Variants in ARHGEF9 observed in about 807,000 individuals in gnomAD.
The protein encoded by ARHGEF9 is Cdc42 guanine nucleotide exchange factor 9.
Under a neutral mutation model 41.3 loss-of-function variants are expected in ARHGEF9, and 2 were observed. The observed-to-expected ratio is 0.05, with a 90% confidence interval of 0.02 to 0.15. ARHGEF9 has a LOEUF of 0.15. Ranked by LOEUF, ARHGEF9 falls within the 10% of genes least tolerant of loss-of-function variation. The pLI is 1.00. For missense variants in ARHGEF9, 225 were observed against 424.7 expected (o/e 0.53, Z 4.13); for synonymous variants, 160 against 154.4 (o/e 1.04, Z -0.27).
At chrX:63,676,450 T>G (rs1223969038) in intron 5 of ARHGEF9, among the ~76,000 whole-genome samples, 1 of 112,283 alleles carries the variant, frequency 8.9e-6, no homozygotes, top group Non-Finnish European at 1.9e-5. Flanking sequence ...GCTATTTATT[T>G]CTTATCTTAG....
rs2053847817 is a variant in ARHGEF9 at position 63,724,648 on chromosome X, G to A, written c.94C>T (p.Arg32Trp). Residue 32 changes from arginine (R) to tryptophan (W), a missense_variant, in exon 2 of 10, where the codon CGG becomes TGG. Arg to Trp is a moderately radical substitution (Grantham distance 101). Transcript: ENST00000671741. Reference protein sequence around the residue: ...AVWDHVTMANRELAFKAGDVI... With the variant: ...AVWDHVTMANWELAFKAGDVI... ...TCGCCAGCTTTAAATGCCAACTCCC[G>A]GTTGGCCATGGTGACGTGATCCCAT... 8.3e-7 allele frequency: 1 copy of A among 1,208,912 alleles called. No homozygotes were observed. Among genetic ancestry groups the A allele is most frequent in the African/African-American group, 1.8e-5 (1 of 56,858 alleles).
In ARHGEF9 at chrX:63,638,186, G is replaced by A; in HGVS notation, c.1414C>T (p.Pro472Ser). 1 of 1,190,623 alleles carries A rather than the reference G, an allele frequency of 8.4e-7. No individual in the cohort carries two copies. Among genetic ancestry groups the A allele is most frequent in the Non-Finnish European group, 1.1e-6 (1 of 884,728 alleles). Reference sequence around the variant, plus strand: ...TCCTGCGGTGGTGGGTAGGAAGGAGGAACTGAGCGGGCAGAGTTGACACCT... The same window carrying A: ...TCCTGCGGTGGTGGGTAGGAAGGAGAAACTGAGCGGGCAGAGTTGACACCT... ...QKGVNSARSV[P>S]PSYPPPQDPL... Residue 472 changes from proline (P) to serine (S), a missense_variant, in exon 10 of 10, where the codon CCT becomes TCT. Coordinates refer to ENST00000671741, the MANE Select transcript of ARHGEF9 (RefSeq NM_001353921.2).
chrX:63,754,605 T>C, intron 1 of ARHGEF9: 1 of 1,034,422 alleles, frequency 9.7e-7, no homozygotes, highest in Non-Finnish European at 1.2e-6. Flanking sequence ...CACTGTAGTG[T>C]TCCAGGTGGG....
At chrX:63,762,866 C>G (rs2056056592) in intron 1 of ARHGEF9, among the ~76,000 whole-genome samples, 1 of 111,921 alleles carries the variant, frequency 8.9e-6, no homozygotes, top group South Asian at 3.7e-4. Flanking sequence ...CTCTTAAGCC[C>G]ACTCAATGTG....
rs1268738466 is a variant in ARHGEF9 at position 63,775,197 on chromosome X, G to A, written c.30+9919C>T. Reference sequence around the variant, plus strand: ...ATAACAAATGGCTGATGAGGTTGCAGAGAAAAGGCAACACTTATACACTGT... The same window carrying A: ...ATAACAAATGGCTGATGAGGTTGCAAAGAAAAGGCAACACTTATACACTGT... On this transcript the variant is annotated intron_variant, in intron 1 of 9. Transcript: ENST00000671741. 2.0e-4 allele frequency among the ~76,000 whole-genome samples: 23 copies of A among 112,527 alleles called. No homozygotes were observed. In the Admixed American group the frequency reaches 2.1e-3, roughly 10 times the overall value.
chrX:63,714,649 T>C (rs782299860), intron 2 of ARHGEF9, among the ~76,000 whole-genome samples: 5 of 112,083 alleles, frequency 4.5e-5, no homozygotes, highest in Non-Finnish European at 9.4e-5. Flanking sequence ...AAATAATATC[T>C]ATCTATCTCA....
At chrX:63,730,259 T>G (rs2054203749) in intron 1 of ARHGEF9, among the ~76,000 whole-genome samples, 1 of 112,468 alleles carries the variant, frequency 8.9e-6, no homozygotes, top group South Asian at 3.7e-4. Context: ...ATAAAGGGCT[T>G]TCTTTTGTGA....
At chrX:63,751,713 C>CATT (rs1201993423) in intron 1 of ARHGEF9, among the ~76,000 whole-genome samples, 1 of 111,928 alleles carries the variant, frequency 8.9e-6, no homozygotes, top group Non-Finnish European at 1.9e-5. Flanking sequence ...GATACCCATC[C>CATT]ATCCCAGCAT....
chrX:63,637,269 T>A lies in ARHGEF9; in HGVS notation c.*759A>T, dbSNP rs1472814477. On this transcript the variant is annotated 3_prime_UTR_variant, in exon 10 of 10. Transcript: ENST00000671741. ...CTCCAGCATCATCATAGTCTGATAC[T>A]CCCTTGCTTCTGTTTGGTTTTTTGA... The A allele has an allele frequency of 2.4e-5, 7 of 295,531 alleles. No homozygotes were observed. The highest frequency in any genetic ancestry group is 1.7e-4 in the African/African-American group (6 of 36,318). 24.4% of individuals were successfully genotyped at this position (295,531 alleles called of 1,213,427 possible). A position where few individuals can be genotyped will look rare whatever the true frequency, so the allele number is the denominator to read the frequency against.
chrX:63,704,146 C>T (rs1469258334), intron 3 of ARHGEF9, among the ~76,000 whole-genome samples: 1 of 111,572 alleles, frequency 9.0e-6, no homozygotes, highest in Non-Finnish European at 1.9e-5. Flanking sequence ...AGTGATATGA[C>T]CTGACTTAGA....
chrX:63,773,771 AC>A (rs2056242474), intron 1 of ARHGEF9, among the ~76,000 whole-genome samples: 1 of 111,433 alleles, frequency 9.0e-6, no homozygotes, highest in South Asian at 3.8e-4. Flanking sequence ...TATGAATAGA[AC>A]AAAAAGGCCA....
chrX:63,713,475 C>G (rs2053082432), intron 2 of ARHGEF9, among the ~76,000 whole-genome samples: 1 of 109,989 alleles, frequency 9.1e-6, no homozygotes, highest in African/African-American at 3.3e-5. Context: ...TGAGCTCTGT[C>G]TCTGTCTGAA....
intron 1 of ARHGEF9, among the ~76,000 whole-genome samples, chrX:63,756,097 A>G (rs1436541429): frequency 9.0e-5 from 10 of 111,420 alleles, no homozygotes; most frequent in African/African-American, 3.3e-4. Context: ...TTGCTGTATG[A>G]CTTTTGGGCA....
At position 63,752,440 on chromosome X, in the gene ARHGEF9, C is replaced by T. The variant is rs782654853; in HGVS notation, c.31-27729G>A. Among the ~76,000 whole-genome samples the T allele has an allele frequency of 1.8e-4, 20 of 111,845 alleles. No individual in the cohort carries two copies. The South Asian group carries it at 6.0e-3, about 34-fold the overall frequency. ...TAGAGCCATTCCCCACTCTCCAACA[C>T]TGTATCAAAACAAAGTGCCCAGAAA... On this transcript the variant is annotated intron_variant, in intron 1 of 9. Transcript: ENST00000671741.
At chrX:63,655,447 T>C in intron 8 of ARHGEF9, 47 bp downstream of exon 8, 1 of 1,208,882 alleles carries the variant, frequency 8.3e-7, no homozygotes, top group African/African-American at 1.7e-5. Context: ...TCAAACCTCC[T>C]ATGTTCTTCA....
At chrX:63,748,563 A>G (rs1330775400) in intron 1 of ARHGEF9, among the ~76,000 whole-genome samples, 1 of 112,029 alleles carries the variant, frequency 8.9e-6, no homozygotes, top group Non-Finnish European at 1.9e-5. Flanking sequence ...ACTTCACAAG[A>G]GAGTAGAGGA....
At chrX:63,648,489 C>A (rs1556319823) in intron 8 of ARHGEF9, among the ~76,000 whole-genome samples, 1 of 111,475 alleles carries the variant, frequency 9.0e-6, no homozygotes, top group Non-Finnish European at 1.9e-5. Flanking sequence ...CCAGCCACTG[C>A]AAAAGCACGC....
intron 1 of ARHGEF9, among the ~76,000 whole-genome samples, chrX:63,729,551 T>C (rs186761590): frequency 3.2e-4 from 36 of 111,718 alleles, no homozygotes; most frequent in Non-Finnish European, 4.3e-4. Flanking sequence ...TAGCAGAGAT[T>C]ATATTCTCTA....
intron 2 of ARHGEF9, among the ~76,000 whole-genome samples, chrX:63,716,347 G>T (rs1222887192): frequency 9.0e-6 from 1 of 110,904 alleles, no homozygotes; most frequent in East Asian, 2.8e-4. Context: ...AGTTCTTGGA[G>T]TATATCTGTT....
Sources: gnomAD v4.1 joint callset for allele counts (sites outside exome capture counted in the v4.1 genomes callset) on GRCh38, gnomAD v4.1.1 for gene constraint, MANE v1.5 for transcripts, NCBI Gene and HGNC (gene_info 2026-07-23, HGNC 2026-07-21) for gene names.